The following DGKI variants were observed in gnomAD, a reference collection of about 807,000 sequenced individuals.
DGKI encodes DAG kinase iota.
In DGKI, 55 loss-of-function variants were observed where a neutral mutation model predicts 147.5. That is an observed-to-expected ratio of 0.37 (90% CI 0.30 to 0.47). DGKI has a LOEUF of 0.47. DGKI is among the 20% of genes least tolerant of loss of function. The probability of loss-of-function intolerance (pLI) is 1.00; values close to 1 mark genes in which losing one functional copy is unlikely to be tolerated. For missense variants in DGKI, 1,007 were observed against 1,323.8 expected (o/e 0.76, Z 3.71); for synonymous variants, 469 against 477.1 (o/e 0.98, Z 0.22).
intron 1 of DGKI, among the ~76,000 whole-genome samples, chr7:137,764,153 G>A (rs1376964565): frequency 2.0e-5 from 3 of 152,052 alleles, no homozygotes; most frequent in African/African-American, 7.2e-5. Context: ...GAACGGTGTT[G>A]CCCTAGGACA....
At chr7:137,621,740 T>G (rs924746283) in intron 7 of DGKI, among the ~76,000 whole-genome samples, 1 of 152,208 alleles carries the variant, frequency 6.6e-6, no homozygotes, top group Admixed American at 6.5e-5. Context: ...GACTACAGAT[T>G]AATAGAAAGA....
rs537141934 is a variant in DGKI, at chr7:137,415,863, C to T, written c.2762-3656G>A. 2.1e-4 allele frequency among the ~76,000 whole-genome samples: 32 copies of T among 152,106 alleles called. No homozygotes were observed. The South Asian group carries it at 5.0e-3, about 24-fold the overall frequency. On this transcript the variant is annotated intron_variant, in intron 28 of 32. Coordinates refer to ENST00000614521, the MANE Select transcript of DGKI (RefSeq NM_001321708.2). ...AATTGGCCAGGTGTGGTGGTGGGCGCCCGTAATCCCAGCTACTCAGGAGGC... is the reference window on the plus strand; with the variant it reads ...AATTGGCCAGGTGTGGTGGTGGGCGTCCGTAATCCCAGCTACTCAGGAGGC...
intron 23 of DGKI, among the ~76,000 whole-genome samples, chr7:137,473,360 TG>T (rs1447407244): frequency 2.0e-5 from 3 of 152,120 alleles, no homozygotes; most frequent in Non-Finnish European, 2.9e-5. Flanking sequence ...AATACTTTAA[TG>T]GGTCCTCAAA....
intron 1 of DGKI, among the ~76,000 whole-genome samples, chr7:137,752,547 G>A (rs1025098763): frequency 6.6e-6 from 1 of 152,166 alleles, no homozygotes; most frequent in African/African-American, 2.4e-5. Context: ...CCTTGGGCCT[G>A]GTTACAGATT....
Position 137,554,010 on chromosome 7 carries a change from G to C in DGKI, c.1948-1442C>G, listed in dbSNP as rs532518528. On this transcript the variant is annotated intron_variant, in intron 19 of 32. Transcript: ENST00000614521. ...ATTTGAAGTCATACACAGTAGTCTA[G>C]ACCACTTTTAAGCCATCTTCTCAGA... Among the ~76,000 whole-genome samples the C allele has an allele frequency of 6.6e-4, 100 of 152,230 alleles. 1 individual carries two copies. In the South Asian group the frequency reaches 0.019, roughly 29 times the overall value.
chr7:137,450,609 C>T (rs1184750922), intron 27 of DGKI, among the ~76,000 whole-genome samples: 1 of 152,038 alleles, frequency 6.6e-6, no homozygotes, highest in African/African-American at 2.4e-5. Flanking sequence ...ATAATCCCAG[C>T]TACTTGGGAG....
At chr7:137,471,562 C>A (rs1395917282) in intron 23 of DGKI, among the ~76,000 whole-genome samples, 1 of 152,038 alleles carries the variant, frequency 6.6e-6, no homozygotes, top group Non-Finnish European at 1.5e-5. Context: ...AGGGCCCATC[C>A]CAGGTCTACA....
At chr7:137,623,098 C>T (rs958953860) in intron 7 of DGKI, among the ~76,000 whole-genome samples, 3 of 152,170 alleles carry the variant, frequency 2.0e-5, no homozygotes, top group African/African-American at 7.2e-5. Context: ...TTAGGTCATA[C>T]GTTGCTTTGC....
At chr7:137,548,645 G>A (rs1313369167) in intron 20 of DGKI, among the ~76,000 whole-genome samples, 2 of 152,174 alleles carry the variant, frequency 1.3e-5, no homozygotes, top group Admixed American at 1.3e-4. Context: ...ACAGAACTGT[G>A]AGCCAAATAA....
chr7:137,420,064 GT>G (rs1009789454), intron 28 of DGKI, among the ~76,000 whole-genome samples: 4 of 152,232 alleles, frequency 2.6e-5, no homozygotes, highest in African/African-American at 9.6e-5. Context: ...GAAAGATCCA[GT>G]TCAAATATGA....
intron 28 of DGKI, among the ~76,000 whole-genome samples, chr7:137,421,965 A>G (rs1268742923): frequency 4.6e-5 from 7 of 152,220 alleles, no homozygotes. Flanking sequence ...TTGGAGACAC[A>G]GATATCTTCA....
At chr7:137,630,428 T>C (rs1291291761) in intron 6 of DGKI, among the ~76,000 whole-genome samples, 3 of 152,232 alleles carry the variant, frequency 2.0e-5, no homozygotes, top group Non-Finnish European at 4.4e-5. Flanking sequence ...TGCTGCAAGC[T>C]ATAGATCATT....
At chr7:137,461,252 T>C (rs1448629898) in intron 27 of DGKI, among the ~76,000 whole-genome samples, 1 of 152,212 alleles carries the variant, frequency 6.6e-6, no homozygotes, top group Non-Finnish European at 1.5e-5. Context: ...CACTTGCCAT[T>C]TGAAGTGACC....
At chr7:137,582,418 C>T (rs1456077386) in intron 14 of DGKI, among the ~76,000 whole-genome samples, 1 of 149,064 alleles carries the variant, frequency 6.7e-6, no homozygotes, top group African/African-American at 2.5e-5. Flanking sequence ...CCCATTTTCT[C>T]TCTCTCTCTC....
intron 19 of DGKI, among the ~76,000 whole-genome samples, chr7:137,553,104 T>C (rs921203572): frequency 2.0e-5 from 3 of 152,238 alleles, no homozygotes; most frequent in Non-Finnish European, 4.4e-5. Flanking sequence ...CTATTAACTA[T>C]CACTTTTTGC....
intron 21 of DGKI, among the ~76,000 whole-genome samples, chr7:137,505,967 G>C (rs1354155372): frequency 6.6e-6 from 1 of 152,098 alleles, no homozygotes; most frequent in Admixed American, 6.6e-5. Flanking sequence ...CCAAATGCTG[G>C]TGGGGATGTG....
In DGKI at chr7:137,390,129, G is replaced by T. The variant is rs1811306830; in HGVS notation, c.*1091C>A. 2.0e-5 allele frequency: 3 copies of T among 151,824 alleles called. No individual in the cohort carries two copies. Among genetic ancestry groups the T allele is most frequent in the Non-Finnish European group, 1.5e-5 (1 of 67,976 alleles). 9.4% of individuals were successfully genotyped at this position (151,824 alleles called of 1,614,324 possible). A position where few individuals can be genotyped will look rare whatever the true frequency, so the allele number is the denominator to read the frequency against. On this transcript the variant is annotated 3_prime_UTR_variant, in exon 33 of 33. Coordinates refer to ENST00000614521, the MANE Select transcript of DGKI (RefSeq NM_001321708.2). ...GCCTCTGTGCAACATTCCAATGACTGTTTCCTATTTCAGTGACATATGTTG... is the reference window on the plus strand; with the variant it reads ...GCCTCTGTGCAACATTCCAATGACTTTTTCCTATTTCAGTGACATATGTTG...
chr7:137,488,094 G>T (rs922394836), intron 21 of DGKI, among the ~76,000 whole-genome samples: 1 of 152,158 alleles, frequency 6.6e-6, no homozygotes, highest in Non-Finnish European at 1.5e-5. Context: ...TGAGGATGCA[G>T]TGCCGGGGGA....
chr7:137,678,644 G>C lies in DGKI; in HGVS notation c.519C>G (p.Ala173=). 6.2e-7 allele frequency: 1 copy of C among 1,613,844 alleles called. No homozygotes were observed. Among genetic ancestry groups the C allele is most frequent in the Non-Finnish European group, 8.5e-7 (1 of 1,179,926 alleles). The change falls in exon 3 of 33, where the codon GCC becomes GCG. Residue 173 remains alanine (A), a synonymous_variant. Transcript: ENST00000614521. The part of the protein sequence containing the change: ...PRATLDWSEN[A]VNGEHLWLET... ...CCAGCCACAGGTGTTCTCCATTCAC[G>C]GCATTCTCCTGCAAGGAAAAGACCC...
Sources: gnomAD v4.1 joint callset for allele counts (sites outside exome capture counted in the v4.1 genomes callset) on GRCh38, gnomAD v4.1.1 for gene constraint, MANE v1.5 for transcripts, NCBI Gene and HGNC (gene_info 2026-07-23, HGNC 2026-07-21) for gene names.